ZFAT: variants seen among roughly 807,000 people sequenced by gnomAD.
The protein encoded by ZFAT is zinc finger protein ZFAT.
A neutral mutation model predicts 117.7 loss-of-function variants in ZFAT; 64 were observed. The ratio of observed to expected loss-of-function variants is 0.54; its 90% CI spans 0.44 to 0.67. The LOEUF (loss-of-function observed/expected upper bound fraction) is 0.67, where lower values mean the gene tolerates loss of function less well. Ranked by LOEUF, ZFAT falls within the 30% of genes least tolerant of loss-of-function variation. ZFAT has a pLI of 0.00. For missense variants in ZFAT, 1,433 were observed against 1,584.5 expected, an observed-to-expected ratio of 0.90 and a Z score of 1.62; for synonymous variants, 679 against 615.0, an observed-to-expected ratio of 1.10 and a Z score of -1.54.
At chr8:134,740,752 C>A in the ZFAT span, among the ~76,000 whole-genome samples, 92 of 152,188 alleles carry the variant, frequency 6.0e-4, no homozygotes, top group Non-Finnish European at 9.6e-4. Context: ...ACTCAGAGCT[C>A]ATGTGCTTCT....
upstream of ZFAT, among the ~76,000 whole-genome samples, chr8:134,717,784 C>T (rs144448636): frequency 6.7e-3 from 1,012 of 152,000 alleles, 5 homozygotes; most frequent in African/African-American, 0.017. Flanking sequence ...CCGCAACCTC[C>T]GCCTCCAGGA....
At chr8:134,564,839 G>T in intron 11 of ZFAT, 1 of 608,330 alleles carries the variant, frequency 1.6e-6, no homozygotes, top group South Asian at 2.4e-5. Context: ...ACACAAATTA[G>T]AGGCATTAAA....
the ZFAT span, among the ~76,000 whole-genome samples, chr8:134,763,310 C>T: frequency 6.6e-6 from 1 of 152,196 alleles, no homozygotes; most frequent in African/African-American, 2.4e-5. Context: ...ATCCCTTTCA[C>T]TCGGTTCCCC....
chr8:134,500,299 T>C (rs1818876466), intron 15 of ZFAT, among the ~76,000 whole-genome samples: 1 of 152,200 alleles, frequency 6.6e-6, no homozygotes, highest in African/African-American at 2.4e-5. Context: ...TAAAGTGGGA[T>C]TCTGCAAATA....
At chr8:134,515,864 A>G (rs1055946175) in intron 13 of ZFAT, among the ~76,000 whole-genome samples, 1 of 152,220 alleles carries the variant, frequency 6.6e-6, no homozygotes, top group African/African-American at 2.4e-5. Context: ...TAAATATTTC[A>G]TACTGTCTCT....
chr8:134,625,957 G>A (rs1213385878), intron 3 of ZFAT, among the ~76,000 whole-genome samples: 2 of 152,184 alleles, frequency 1.3e-5, no homozygotes, highest in African/African-American at 4.8e-5. Context: ...GCAACTGTAG[G>A]ATGAGGCCAC....
intron 15 of ZFAT, among the ~76,000 whole-genome samples, chr8:134,488,413 G>C (rs551342088): frequency 6.6e-6 from 1 of 152,350 alleles, no homozygotes; most frequent in South Asian, 2.1e-4. Context: ...GGAACGTGAA[G>C]TTACATAACA....
chr8:134,708,639 TTTTTC>T (rs1383167324), intron 1 of ZFAT, among the ~76,000 whole-genome samples: 1 of 152,142 alleles, frequency 6.6e-6, no homozygotes, highest in East Asian at 1.9e-4. Flanking sequence ...TTTGCTCTGC[TTTTTC>T]TTTTCTCTTT....
At chr8:134,632,086 C>T (rs1318051014) in intron 3 of ZFAT, among the ~76,000 whole-genome samples, 1 of 152,094 alleles carries the variant, frequency 6.6e-6, no homozygotes, top group Non-Finnish European at 1.5e-5. Context: ...TGGGTTTGAA[C>T]TGCAAGGGGA....
chr8:134,624,866 A>G (rs76510996), intron 3 of ZFAT, among the ~76,000 whole-genome samples: 5,925 of 151,242 alleles, frequency 0.039, 180 homozygotes, highest in Middle Eastern at 0.1. Flanking sequence ...ATATGCATTC[A>G]TTTATAATTA....
intron 2 of ZFAT, among the ~76,000 whole-genome samples, chr8:134,653,279 AAAAAAAAAAAAAC>A (rs1433138837): frequency 9.3e-5 from 12 of 128,500 alleles, no homozygotes; most frequent in South Asian, 2.3e-4. Context: ...TTAAAAAAAA[AAAAAAAAAAAAAC>A]AAAAAACAGG....
At chr8:134,547,437 C>A (rs769859644) in intron 11 of ZFAT, among the ~76,000 whole-genome samples, 2 of 152,182 alleles carry the variant, frequency 1.3e-5, no homozygotes, top group Non-Finnish European at 2.9e-5. Flanking sequence ...AGTAGCATAA[C>A]CTTCTCACCA....
chr8:134,696,543 A>G, intron 1 of ZFAT: 1 of 985,892 alleles, frequency 1.0e-6, no homozygotes, highest in Non-Finnish European at 1.2e-6. Context: ...CTTTCTTCTC[A>G]GACTCCTGCA....
intron 5 of ZFAT, among the ~76,000 whole-genome samples, chr8:134,607,275 G>A (rs190274487): frequency 5.4e-4 from 82 of 152,296 alleles, no homozygotes; most frequent in Middle Eastern, 6.8e-3. Context: ...AAAGGAATGA[G>A]TATTTTTACA....
intron 2 of ZFAT, among the ~76,000 whole-genome samples, chr8:134,638,487 C>G (rs1324794525): frequency 6.7e-6 from 1 of 148,656 alleles, no homozygotes; most frequent in Admixed American, 6.9e-5. Context: ...GGGCGGATCA[C>G]GAGGTCAGGA....
At chr8:134,625,376 G>T (rs908301780) in intron 3 of ZFAT, among the ~76,000 whole-genome samples, 2 of 152,182 alleles carry the variant, frequency 1.3e-5, no homozygotes, top group Non-Finnish European at 2.9e-5. Flanking sequence ...GAACCATCAC[G>T]AGAGAAATGC....
intron 12 of ZFAT, among the ~76,000 whole-genome samples, chr8:134,522,662 C>T (rs985822732): frequency 3.9e-5 from 6 of 152,212 alleles, no homozygotes; most frequent in Non-Finnish European, 8.8e-5. Flanking sequence ...GGCAAATCCA[C>T]AGCCCAGCAT....
At chr8:134,568,556 C>G (rs1824646984) in intron 10 of ZFAT, among the ~76,000 whole-genome samples, 1 of 152,074 alleles carries the variant, frequency 6.6e-6, no homozygotes, top group Non-Finnish European at 1.5e-5. Flanking sequence ...ACACTTGGGT[C>G]AAAGAGTAAC....
chr8:134,607,160 C>T (rs1365382167), intron 5 of ZFAT, among the ~76,000 whole-genome samples: 1 of 152,158 alleles, frequency 6.6e-6, no homozygotes, highest in Non-Finnish European at 1.5e-5. Flanking sequence ...ACCTCCCCGC[C>T]AACAGACCTT....
Sources: allele counts gnomAD v4.1 joint callset (sites outside exome capture counted in the v4.1 genomes callset), GRCh38; gene constraint gnomAD v4.1.1; transcripts MANE v1.5; gene names NCBI Gene and HGNC (gene_info 2026-07-23, HGNC 2026-07-21).